ROR1: variants seen among roughly 807,000 people sequenced by gnomAD.
ROR1 encodes the protein ROR family WNT receptor 1, also known as inactive tyrosine-protein kinase transmembrane receptor ROR1.
In ROR1, 19 loss-of-function variants were observed where a neutral mutation model predicts 78.8. The ratio of observed to expected loss-of-function variants is 0.24; its 90% CI spans 0.17 to 0.35. The LOEUF is 0.35. ROR1 is among the 10% of genes least tolerant of loss of function. ROR1 has a pLI of 1.00. For synonymous variants in ROR1, 386 were observed against 433.6 expected, an observed-to-expected ratio of 0.89 and a Z score of 1.36; for missense variants, 917 against 1,177.8, an observed-to-expected ratio of 0.78 and a Z score of 3.24.
intron 1 of ROR1, among the ~76,000 whole-genome samples, chr1:63,978,738 A>G (rs1280847184): frequency 3.9e-5 from 6 of 152,228 alleles, no homozygotes; most frequent in African/African-American, 9.6e-5. Flanking sequence ...ATAGCTGGGA[A>G]TTGGAGACAA....
At chr1:63,850,125 G>A (rs143862302) in intron 1 of ROR1, among the ~76,000 whole-genome samples, 298 of 152,248 alleles carry the variant, frequency 2.0e-3, no homozygotes, top group African/African-American at 6.7e-3. Flanking sequence ...TGTATAAATG[G>A]GAACTTACTG....
At chr1:64,090,860 G>T (rs1297655045) in intron 4 of ROR1, among the ~76,000 whole-genome samples, 2 of 152,118 alleles carry the variant, frequency 1.3e-5, no homozygotes, top group Non-Finnish European at 2.9e-5. Flanking sequence ...AGAGCTTAGA[G>T]AACTCAGTTC....
At chr1:63,975,004 C>T (rs1175477053) in intron 1 of ROR1, among the ~76,000 whole-genome samples, 1 of 152,188 alleles carries the variant, frequency 6.6e-6, no homozygotes, top group Non-Finnish European at 1.5e-5. Context: ...CAGGTTTTCT[C>T]CCAACGTCTT....
intron 7 of ROR1, among the ~76,000 whole-genome samples, chr1:64,153,770 CA>C (rs1442263137): frequency 6.6e-6 from 1 of 152,002 alleles, no homozygotes; most frequent in Non-Finnish European, 1.5e-5. Context: ...GGGAGTTATT[CA>C]ATGGGCATAG....
intron 1 of ROR1, among the ~76,000 whole-genome samples, chr1:63,989,830 T>C (rs1002002707): frequency 4.1e-4 from 63 of 152,338 alleles, no homozygotes; most frequent in African/African-American, 1.5e-3. Flanking sequence ...CAAACTGTGA[T>C]GTCCACATGA....
At chr1:63,798,408 G>A (rs1487383092) in intron 1 of ROR1, among the ~76,000 whole-genome samples, 1 of 152,168 alleles carries the variant, frequency 6.6e-6, no homozygotes, top group African/African-American at 2.4e-5. Context: ...TGAGGAACAA[G>A]TCAGTGGGGG....
At chr1:63,912,538 A>T (rs1645579444) in intron 1 of ROR1, among the ~76,000 whole-genome samples, 1 of 152,162 alleles carries the variant, frequency 6.6e-6, no homozygotes, top group Non-Finnish European at 1.5e-5. Flanking sequence ...GGTAGGAAGG[A>T]TAGATAACAT....
At chr1:63,796,275 C>T (rs902600306) in intron 1 of ROR1, among the ~76,000 whole-genome samples, 3 of 152,122 alleles carry the variant, frequency 2.0e-5, no homozygotes, top group African/African-American at 7.2e-5. Context: ...TGGCCCCACA[C>T]AAAACACTTG....
chr1:63,818,051 T>A (rs1644902821), intron 1 of ROR1, among the ~76,000 whole-genome samples: 1 of 152,202 alleles, frequency 6.6e-6, no homozygotes, highest in Non-Finnish European at 1.5e-5. Flanking sequence ...CCCTGTGAGA[T>A]ACGTATTATT....
chr1:63,955,239 T>C (rs187960952), intron 1 of ROR1, among the ~76,000 whole-genome samples: 2 of 152,308 alleles, frequency 1.3e-5, no homozygotes, highest in East Asian at 3.9e-4. Flanking sequence ...TTAATTTTAC[T>C]TTTTTTCCTA....
intron 8 of ROR1, among the ~76,000 whole-genome samples, chr1:64,170,869 A>G (rs1225665411): frequency 6.6e-6 from 1 of 152,154 alleles, no homozygotes; most frequent in Non-Finnish European, 1.5e-5. Context: ...ACATAACAAG[A>G]GTCACCTCTG....
intron 2 of ROR1, among the ~76,000 whole-genome samples, chr1:64,042,733 A>G (rs1646754491): frequency 1.3e-5 from 2 of 152,206 alleles, no homozygotes; most frequent in Admixed American, 1.3e-4. Flanking sequence ...CTTGAACTCA[A>G]GAATGTGCAA....
At chr1:63,793,069 G>A (rs1471638982) in intron 1 of ROR1, among the ~76,000 whole-genome samples, 1 of 151,546 alleles carries the variant, frequency 6.6e-6, no homozygotes, top group Non-Finnish European at 1.5e-5. Flanking sequence ...AAAGTAAGTG[G>A]CCTCAAATAG....
At chr1:64,102,588 G>A (rs1275758868) in intron 4 of ROR1, among the ~76,000 whole-genome samples, 4 of 152,166 alleles carry the variant, frequency 2.6e-5, no homozygotes, top group Non-Finnish European at 5.9e-5. Context: ...GCATTGTGCT[G>A]GTGATACAAG....
chr1:64,010,003 A>G (rs1220902658), intron 2 of ROR1, among the ~76,000 whole-genome samples: 1 of 152,130 alleles, frequency 6.6e-6, no homozygotes, highest in Non-Finnish European at 1.5e-5. Flanking sequence ...TTCTAGCCTT[A>G]GTTATCTTTA....
chr1:63,812,533 G>GATGA lies in ROR1; in HGVS notation c.91+38037_91+38040dup, dbSNP rs1326162364. Among the ~76,000 whole-genome samples the GATGA allele has an allele frequency of 5.3e-3, 813 of 152,238 alleles. 6 individuals are homozygous for GATGA. The highest frequency in any genetic ancestry group is 0.019 in the African/African-American group (781 of 41,522). On this transcript the variant is annotated intron_variant, in intron 1 of 8. Coordinates refer to ENST00000371079, the MANE Select transcript of ROR1 (RefSeq NM_005012.4). ...GACTGAATGAATGAATGAATGAATG[G>GATGA]ATGAATGAATGAATGGTCAGGAAAT... is the stretch of plus-strand genomic sequence containing the variant.
intron 1 of ROR1, among the ~76,000 whole-genome samples, chr1:64,001,515 A>G (rs550453901): frequency 2.4e-4 from 36 of 152,322 alleles, no homozygotes; most frequent in South Asian, 2.3e-3. Flanking sequence ...TTGACATTAT[A>G]CCATAATTCT....
intron 4 of ROR1, among the ~76,000 whole-genome samples, chr1:64,058,533 A>G (rs1394533541): frequency 1.3e-5 from 2 of 150,018 alleles, no homozygotes; most frequent in African/African-American, 4.9e-5. Context: ...TATGTTTTTT[A>G]CTATGAAAAG....
chr1:63,862,532 A>T (rs1645188549), intron 1 of ROR1, among the ~76,000 whole-genome samples: 1 of 151,742 alleles, frequency 6.6e-6, no homozygotes, highest in Admixed American at 6.6e-5. Context: ...TCTGTTCTTC[A>T]TGTAGCTGTG....
Sources: gnomAD v4.1 joint callset for allele counts (sites outside exome capture counted in the v4.1 genomes callset) on GRCh38, gnomAD v4.1.1 for gene constraint, MANE v1.5 for transcripts, NCBI Gene and HGNC (gene_info 2026-07-23, HGNC 2026-07-21) for gene names.